Variants in LTA4H observed in about 807,000 individuals in gnomAD.
The protein encoded by LTA4H is leukotriene A-4 hydrolase.
LTA4H carries 59 observed loss-of-function variants against 89.8 expected under a neutral mutation model. The observed-to-expected ratio is 0.66, with a 90% CI of 0.53 to 0.82. The LOEUF (loss-of-function observed/expected upper bound fraction) is 0.82, where lower values mean the gene tolerates loss of function less well. Among genes scored for constraint, LTA4H ranks in the 40% least tolerant of loss-of-function variants. LTA4H has a pLI of 0.00. For missense variants in LTA4H, 617 were observed against 727.0 expected (o/e 0.85, Z 1.74); for synonymous variants, 227 against 253.1 (o/e 0.90, Z 0.98).
chr12:96,005,402 C>T (rs993095426), intron 16 of LTA4H, among the ~76,000 whole-genome samples: 3 of 152,184 alleles, frequency 2.0e-5, no homozygotes, highest in African/African-American at 4.8e-5. Context: ...CATTTCATCC[C>T]GACTCTTCTG....
At chr12:96,040,158 C>A (rs1950677570), upstream of LTA4H, among the ~76,000 whole-genome samples, 1 of 152,126 alleles carries the variant, frequency 6.6e-6, no homozygotes, top group Admixed American at 6.5e-5. Flanking sequence ...GGGAGGTGGG[C>A]AGATTTTTCA....
At position 96,035,504 on chromosome 12, in the gene LTA4H, C is replaced by G. The variant is rs763767484; in HGVS notation, c.16G>C (p.Asp6His). Residue 6 changes from aspartate (D) to histidine (H), a missense_variant, in exon 1 of 19, where the codon GAT becomes CAT. Physicochemically the swap from Asp to His is moderately conservative, Grantham distance 81 (BLOSUM62 -1). Coordinates refer to ENST00000228740, the MANE Select transcript of LTA4H (RefSeq NM_000895.3). ...GCCGGAGAGGCCAACGAACAGGTAT[C>G]CACTATCTCGGGCATGGCTCTGGGG... is the stretch of plus-strand genomic sequence containing the variant. MPEIVDTCSLASPASV... is the reference protein window; with the variant it reads MPEIVHTCSLASPASV... 1 of 1,606,886 alleles carries G rather than the reference C, an allele frequency of 6.2e-7. No homozygotes were observed.
chr12:96,038,970 T>C (rs1025100184), upstream of LTA4H, among the ~76,000 whole-genome samples: 14 of 151,914 alleles, frequency 9.2e-5, no homozygotes, highest in Non-Finnish European at 1.0e-4. Flanking sequence ...TTTTCTGAGA[T>C]ACCACTCACC....
chr12:96,041,795 C>T (rs1950688532), intron 1 of LTA4H, among the ~76,000 whole-genome samples: 1 of 151,952 alleles, frequency 6.6e-6, no homozygotes, highest in Non-Finnish European at 1.5e-5. Flanking sequence ...GCGCCCGCCA[C>T]CACGCCCAGC....
At chr12:96,032,363 C>T (rs1950584094) in intron 1 of LTA4H, among the ~76,000 whole-genome samples, 1 of 152,226 alleles carries the variant, frequency 6.6e-6, no homozygotes, top group Non-Finnish European at 1.5e-5. Flanking sequence ...CCCATCTCAC[C>T]TCTGAAATAC....
In LTA4H at chr12:96,022,140, A is replaced by T; in HGVS notation, c.585+7T>A. 1 of 1,602,526 alleles carries T rather than the reference A, an allele frequency of 6.2e-7. No homozygotes were observed. Among genetic ancestry groups the T allele is most frequent in the South Asian group, 1.1e-5 (1 of 90,828 alleles). The stretch of plus-strand genomic sequence containing the variant: ...TGAAAACAAAAATCTAGACCCTAGG[A>T]TCTTACTTTTTGGATGAATTTGTAT... On this transcript the variant is annotated splice_region_variant and intron_variant, in intron 5 of 18. Transcript: ENST00000228740. This position sits in a 1 kb window ranked among gnomAD's most constrained non-coding sequence, Gnocchi z 4.0.
At position 96,013,268 on chromosome 12, in the gene LTA4H, G is replaced by T; in HGVS notation, c.1309-10C>A. ...GATTGAGAACATCAACCTATGAATA[G>T]TAAGAATTCACAGTTTACAATAGAA... On this transcript the variant is annotated splice_polypyrimidine_tract_variant and intron_variant, in intron 13 of 18. Transcript: ENST00000228740. The T allele has an allele frequency of 6.3e-7, 1 of 1,597,544 alleles. No homozygotes were observed. Among genetic ancestry groups the T allele is most frequent in the Non-Finnish European group, 8.6e-7 (1 of 1,165,260 alleles).
At chr12:96,017,608 T>C in intron 8 of LTA4H, 28 bp from the exon 9 acceptor site, 1 of 1,577,836 alleles carries the variant, frequency 6.3e-7, no homozygotes, top group Non-Finnish European at 8.7e-7. Context: ...TACCTTAGTA[T>C]TTTAGTAATC....
chr12:96,001,038 A>G lies in LTA4H; in HGVS notation c.1787T>C (p.Met596Thr). ...CACCAGCATTGCAGTCACGGGATGCATGCTTGCTTTGTGCTCTTGGTAGGT... is the reference window on the plus strand; with the variant it reads ...CACCAGCATTGCAGTCACGGGATGCGTGCTTGCTTTGTGCTCTTGGTAGGT... ...VRTYQEHKAS[M>T]HPVTAMLVGK... is the part of the protein sequence containing the mutation. Residue 596 changes from methionine (M) to threonine (T), a missense_variant, in exon 19 of 19, where the codon ATG becomes ACG. By Grantham distance (81) the Met-to-Thr change is moderately conservative. Transcript: ENST00000228740. 2 of 1,614,188 alleles carry G rather than the reference A, an allele frequency of 1.2e-6. No individual in the cohort carries two copies. Among genetic ancestry groups the G allele is most frequent in the South Asian group, 2.2e-5 (2 of 91,078 alleles).
intron 18 of LTA4H, among the ~76,000 whole-genome samples, chr12:96,001,950 C>A (rs1428552955): frequency 6.6e-6 from 1 of 152,030 alleles, no homozygotes; most frequent in Non-Finnish European, 1.5e-5. Flanking sequence ...CTCTGCCTCC[C>A]GGGTTCAAGC....
rs1285127502 is a variant in LTA4H, at chr12:96,027,532, T to G, written c.323A>C (p.Glu108Ala). 1.3e-6 allele frequency: 2 copies of G among 1,598,298 alleles called. No homozygotes were observed. Among genetic ancestry groups the G allele is most frequent in the Admixed American group, 3.4e-5 (2 of 59,454 alleles). The change falls in exon 3 of 19, where the codon GAG (glutamate) becomes GCG (alanine). Residue 108 changes from glutamate (E) to alanine (A), a missense_variant. Physicochemically the swap from Glu to Ala is moderately radical, Grantham distance 107. Transcript: ENST00000228740. ...GAGAGCAGAAGATTTTGGAGAGGTC[T>G]CAAAAGAAATTTCTATAACAATTTC... ...NQEIVIEISF[E>A]TSPKSSALQW...
chr12:96,041,993 T>C (rs1265313579), intron 1 of LTA4H, among the ~76,000 whole-genome samples: 1 of 145,010 alleles, frequency 6.9e-6, no homozygotes, highest in Non-Finnish European at 1.5e-5. Flanking sequence ...TTTCTTTTTT[T>C]TTTTTTTTTT....
chr12:96,028,773 C>A (rs943310087), intron 2 of LTA4H, among the ~76,000 whole-genome samples: 24 of 152,076 alleles, frequency 1.6e-4, no homozygotes, highest in Admixed American at 6.6e-5. Flanking sequence ...GATGGCATGC[C>A]CCCACCATCA....
chr12:96,004,072 T>A (rs954166779), intron 16 of LTA4H, 152 bp from the exon 17 acceptor site: 4 of 422,348 alleles, frequency 9.5e-6, no homozygotes, highest in Non-Finnish European at 1.7e-5. Context: ...AATTGCACAC[T>A]AAGTAAATTC....
At chr12:96,027,401 C>A (rs775191336) in intron 3 of LTA4H, 43 bp downstream of exon 3, 2 of 1,543,332 alleles carry the variant, frequency 1.3e-6, no homozygotes, top group Non-Finnish European at 1.7e-6. Flanking sequence ...ACCATAGGTG[C>A]TGAAATTTTC....
intron 10 of LTA4H, 38 bp downstream of exon 10, chr12:96,017,006 A>G (rs1260678246): frequency 4.3e-6 from 6 of 1,409,286 alleles, no homozygotes; most frequent in African/African-American, 1.4e-5. Context: ...AAAAATCAGC[A>G]ACATGAACCA....
intron 1 of LTA4H, among the ~76,000 whole-genome samples, chr12:96,034,437 C>A (rs1402410469): frequency 6.6e-6 from 1 of 152,182 alleles, no homozygotes; most frequent in Non-Finnish European, 1.5e-5. Context: ...AATCTACAAC[C>A]TTTCTTCATT....
At position 96,022,902 on chromosome 12, in the gene LTA4H, CA is replaced by C. The variant is rs1354522086; in HGVS notation, c.481-652del. 1.3e-5 allele frequency among the ~76,000 whole-genome samples: 2 copies of C among 152,334 alleles called. No homozygotes were observed. The highest frequency in any genetic ancestry group is 3.9e-4 in the East Asian group (2 of 5,190). On this transcript the variant is annotated intron_variant, in intron 4 of 18. Coordinates refer to ENST00000228740, the MANE Select transcript of LTA4H (RefSeq NM_000895.3). The surrounding 1 kb of genome is among the most constrained non-coding windows in gnomAD (Gnocchi z 4.0). ...TTTGAACAATTTTGTTTTGAAAACACACACTTGGAGTTACAAATAGAGGAAC... is the reference window on the plus strand; with the variant it reads ...TTTGAACAATTTTGTTTTGAAAACACCACTTGGAGTTACAAATAGAGGAAC...
intron 16 of LTA4H, 191 bp from the exon 17 acceptor site, chr12:96,004,111 T>C (rs1337099496): frequency 2.7e-6 from 1 of 370,970 alleles, no homozygotes; most frequent in Non-Finnish European, 4.8e-6. Context: ...ATGAGGATAT[T>C]CTACTGGGAG....
Sources: gnomAD v4.1 joint callset for allele counts (sites outside exome capture counted in the v4.1 genomes callset) on GRCh38, gnomAD v4.1.1 for gene constraint, Gnocchi (gnomAD v3.1) non-coding constraint, MANE v1.5 for transcripts, NCBI Gene and HGNC (gene_info 2026-07-23, HGNC 2026-07-21) for gene names.